The following MYO18B variants were observed in gnomAD, a reference collection of about 807,000 sequenced individuals.
MYO18B encodes the protein unconventional myosin-XVIIIb.
MYO18B carries 204 observed loss-of-function variants against 273.0 expected under a neutral mutation model. The observed-to-expected ratio is 0.75, with a 90% CI of 0.67 to 0.84. The LOEUF (loss-of-function observed/expected upper bound fraction) is 0.84, where lower values mean the gene tolerates loss of function less well. MYO18B is among the 40% of genes least tolerant of loss of function. MYO18B has a pLI of 0.00. For missense variants in MYO18B, 3,212 were observed against 3,287.6 expected, an observed-to-expected ratio of 0.98 and a Z score of 0.56; for synonymous variants, 1,330 against 1,305.7, an observed-to-expected ratio of 1.02 and a Z score of -0.40.
chr22:25,762,228 C>G (rs1481590456), intron 2 of MYO18B, among the ~76,000 whole-genome samples: 1 of 152,214 alleles, frequency 6.6e-6, no homozygotes, highest in African/African-American at 2.4e-5. Context: ...CTTCTCTGTC[C>G]CTGGGCAGAG....
intron 42 of MYO18B, among the ~76,000 whole-genome samples, chr22:26,011,327 G>A (rs574524857): frequency 6.6e-6 from 1 of 152,142 alleles, no homozygotes; most frequent in African/African-American, 2.4e-5. Flanking sequence ...TGGACAAGGG[G>A]ACTGAAGGAG....
At chr22:26,051,790 G>A in the MYO18B span, among the ~76,000 whole-genome samples, 6 of 152,158 alleles carry the variant, frequency 3.9e-5, no homozygotes, top group Admixed American at 3.3e-4. Context: ...AAAGGTATGT[G>A]TCTTAAAAAT....
At chr22:25,868,091 TAGG>T (rs1193020049) in intron 21 of MYO18B, among the ~76,000 whole-genome samples, 1 of 152,166 alleles carries the variant, frequency 6.6e-6, no homozygotes, top group African/African-American at 2.4e-5. Flanking sequence ...CTCTGTAAAA[TAGG>T]AGGATGAAAC....
chr22:25,831,273 A>T (rs145877598), intron 15 of MYO18B, among the ~76,000 whole-genome samples: 4 of 152,212 alleles, frequency 2.6e-5, no homozygotes, highest in Non-Finnish European at 5.9e-5. Flanking sequence ...ATCTGATTGT[A>T]TTCCCTCTCC....
chr22:25,844,518 C>T lies in MYO18B; in HGVS notation c.3368+624C>T, dbSNP rs188061764. Among the ~76,000 whole-genome samples, 119 of 152,312 alleles carry T rather than the reference C, an allele frequency of 7.8e-4. 1 individual carries two copies. The highest frequency in any genetic ancestry group is 2.2e-4 in the Non-Finnish European group (15 of 68,036). The stretch of plus-strand genomic sequence containing the variant: ...AGAAAGAACCACTTACTCACTACTC[C>T]CTATGTGCCTTGGATCAGCATAAAC... On this transcript the variant is annotated intron_variant, in intron 18 of 43. Coordinates refer to ENST00000335473, the MANE Select transcript of MYO18B (RefSeq NM_032608.7).
chr22:25,808,277 A>G lies in MYO18B; in HGVS notation c.2521+10180A>G, dbSNP rs1460099748. The stretch of plus-strand genomic sequence containing the variant: ...AATGACCTCTGTTAAAATCCTCTCC[A>G]AGTTTTCCCTGTTCTCCACCTCAGC... On this transcript the variant is annotated intron_variant, in intron 12 of 43. Coordinates refer to ENST00000335473, the MANE Select transcript of MYO18B (RefSeq NM_032608.7). Among the ~76,000 whole-genome samples, 3 of 152,180 alleles carry G rather than the reference A, an allele frequency of 2.0e-5. No homozygotes were observed. In the East Asian group the frequency reaches 5.8e-4, roughly 29 times the overall value.
intron 12 of MYO18B, among the ~76,000 whole-genome samples, chr22:25,800,574 G>T (rs751146430): frequency 6.6e-6 from 1 of 152,244 alleles, no homozygotes; most frequent in Non-Finnish European, 1.5e-5. Flanking sequence ...GTGCATGAAG[G>T]AGTGGCTTAC....
rs1184733362 is a variant in MYO18B at position 25,948,428 on chromosome 22, TTCCTTCCTTCC to T, written c.5748+602_5748+612del. On this transcript the variant is annotated intron_variant, in intron 36 of 43. Coordinates refer to ENST00000335473, the MANE Select transcript of MYO18B (RefSeq NM_032608.7). Reference sequence around the variant, plus strand: ...TGTCTTTCCTTCCTTCCTTCCTTCCTTCCTTCCTTCCTTCCTTCCTTCCTTCCTTCCTTCTT... The same window carrying T: ...TGTCTTTCCTTCCTTCCTTCCTTCCTTTCCTTCCTTCCTTCCTTCCTTCTT... Among the ~76,000 whole-genome samples, 185 of 123,634 alleles carry T rather than the reference TTCCTTCCTTCC, an allele frequency of 1.5e-3. 1 individual carries two copies. The highest frequency in any genetic ancestry group is 1.3e-3 in the Non-Finnish European group (84 of 63,680). The allele number at this position is 123,634 out of a possible 152,430, so 81.1% of individuals were successfully genotyped here.
At chr22:25,781,978 C>T (rs1471884455) in intron 10 of MYO18B, 144 bp downstream of exon 10, 4 of 558,564 alleles carry the variant, frequency 7.2e-6, no homozygotes, top group African/African-American at 1.9e-5. Context: ...TTCCAGCTGT[C>T]TGGGTACACG....
chr22:25,827,414 C>T (rs1012499080), intron 14 of MYO18B, among the ~76,000 whole-genome samples: 5 of 152,266 alleles, frequency 3.3e-5, no homozygotes, highest in South Asian at 4.1e-4. Context: ...TGTGTGTCTG[C>T]GGGGCTGCAG....
intron 27 of MYO18B, among the ~76,000 whole-genome samples, chr22:25,893,766 TCCATCCACCCATCCACCCATCCAC>T (rs552222193): frequency 7.9e-5 from 12 of 151,396 alleles, no homozygotes; most frequent in African/African-American, 2.7e-4. Flanking sequence ...CATCTATCCA[TCCATCCACCCATCCACCCATCCAC>T]CCATCCACCC....
In MYO18B at chr22:25,891,324, GA is replaced by G. The variant is rs753392428; in HGVS notation, c.4461del (p.Lys1487AsnfsTer5). ...ELKSKHEQVQ[K>X]KLGDVNKQLE... is the part of the protein sequence containing the mutation. ...TCTAGAGCAAGCATGAACAAGTCCA[GA>G]AAAAACTGGGAGATGTGAATAAACA... On this transcript the variant is annotated frameshift_variant, in exon 27 of 44. Transcript: ENST00000335473. LOFTEE classifies it high-confidence loss of function. 1 of 1,575,874 alleles carries G rather than the reference GA, an allele frequency of 6.3e-7. No individual in the cohort carries two copies. The highest frequency in any genetic ancestry group is 8.6e-7 in the Non-Finnish European group (1 of 1,160,460).
At chr22:26,047,308 A>G in the MYO18B span, among the ~76,000 whole-genome samples, 1 of 151,964 alleles carries the variant, frequency 6.6e-6, no homozygotes, top group African/African-American at 2.4e-5. Flanking sequence ...TTGTATTTTT[A>G]GTAGAGACGG....
In MYO18B at chr22:25,801,628, G is replaced by C. The variant is rs530635433; in HGVS notation, c.2521+3531G>C. Among the ~76,000 whole-genome samples, 4 of 152,266 alleles carry C rather than the reference G, an allele frequency of 2.6e-5. No homozygotes were observed. In the East Asian group the frequency reaches 7.7e-4, roughly 29 times the overall value. The stretch of plus-strand genomic sequence containing the variant: ...CTCATTTTATAGACAAGCAAACAGA[G>C]GCTCAGAGAAGGTATGCCACTGATC... On this transcript the variant is annotated intron_variant, in intron 12 of 43. Coordinates refer to ENST00000335473, the MANE Select transcript of MYO18B (RefSeq NM_032608.7).
intron 18 of MYO18B, among the ~76,000 whole-genome samples, chr22:25,845,103 T>C (rs983168730): frequency 1.3e-5 from 2 of 152,220 alleles, no homozygotes; most frequent in African/African-American, 2.4e-5. Context: ...AAAGCTCCCA[T>C]GTCTGATCTA....
intron 39 of MYO18B, among the ~76,000 whole-genome samples, chr22:25,963,121 C>T (rs1380578116): frequency 6.6e-6 from 1 of 151,314 alleles, no homozygotes; most frequent in African/African-American, 2.4e-5. Flanking sequence ...CTCTCTCTCT[C>T]TCCTCTTTCT....
Position 25,903,513 on chromosome 22 carries a change from G to A in MYO18B, c.4948-118G>A, listed in dbSNP as rs918152633. ...GGACGGTGGGGTCCAGGTGGAAATG[G>A]CAGGCATTGGAAAGTGGAAAACGCC... On this transcript the variant is annotated intron_variant, in intron 30 of 43. Coordinates refer to ENST00000335473, the MANE Select transcript of MYO18B (RefSeq NM_032608.7). The A allele has an allele frequency of 2.9e-6, 3 of 1,023,330 alleles. No individual in the cohort carries two copies. The African/African-American group carries it at 4.8e-5, about 17-fold the overall frequency. The allele number at this position is 1,023,330 out of a possible 1,614,324, so 63.4% of individuals were successfully genotyped here.
chr22:25,976,052 C>T (rs2093085428), intron 39 of MYO18B, among the ~76,000 whole-genome samples: 1 of 152,206 alleles, frequency 6.6e-6, no homozygotes, highest in South Asian at 2.1e-4. Context: ...GTGATTTTGT[C>T]CCCCCAGGGA....
At chr22:25,969,104 A>G (rs1453801194) in intron 39 of MYO18B, among the ~76,000 whole-genome samples, 1 of 152,174 alleles carries the variant, frequency 6.6e-6, no homozygotes. Flanking sequence ...GTGGGCAACA[A>G]CATTCCCATA....
Sources: gnomAD v4.1 joint callset for allele counts (sites outside exome capture counted in the v4.1 genomes callset) on GRCh38, gnomAD v4.1.1 for gene constraint, MANE v1.5 for transcripts, NCBI Gene and HGNC (gene_info 2026-07-23, HGNC 2026-07-21) for gene names.